PARD3B: variants seen among roughly 807,000 people sequenced by gnomAD.
PARD3B encodes partitioning defective 3 homolog B.
PARD3B carries 103 observed loss-of-function variants against 130.2 expected under a neutral mutation model. That is an observed-to-expected ratio of 0.79 (90% confidence interval 0.67 to 0.93). The LOEUF (loss-of-function observed/expected upper bound fraction) is 0.93. PARD3B is among the 40% of genes least tolerant of loss of function. PARD3B has a pLI of 0.00. For synonymous variants in PARD3B, 583 were observed against 553.2 expected (o/e 1.05, Z -0.76); for missense variants, 1,609 against 1,499.2 (o/e 1.07, Z -1.21).
At chr2:205,318,216 T>G (rs565891536) in intron 18 of PARD3B, among the ~76,000 whole-genome samples, 11 of 152,160 alleles carry the variant, frequency 7.2e-5, no homozygotes, top group Non-Finnish European at 1.5e-4. Context: ...TAGTAAAAAA[T>G]CAATATCATA....
At chr2:205,129,146 G>A (rs1228950510) in intron 10 of PARD3B, among the ~76,000 whole-genome samples, 1 of 152,210 alleles carries the variant, frequency 6.6e-6, no homozygotes, top group African/African-American at 2.4e-5. Context: ...ATAGTTGACA[G>A]TCAACCATCC....
intron 20 of PARD3B, among the ~76,000 whole-genome samples, chr2:205,467,358 A>G (rs1199595672): frequency 1.3e-5 from 2 of 152,356 alleles, no homozygotes; most frequent in Non-Finnish European, 2.9e-5. Context: ...TGTAGGAAAC[A>G]TTCAAAATCT....
At chr2:204,991,491 C>G (rs1211476438) in intron 3 of PARD3B, among the ~76,000 whole-genome samples, 39 of 141,126 alleles carry the variant, frequency 2.8e-4, no homozygotes, top group East Asian at 6.2e-4. Context: ...GGACATTTGG[C>G]TTGGTTCCAA....
intron 4 of PARD3B, among the ~76,000 whole-genome samples, chr2:205,071,113 T>C (rs1019766865): frequency 6.6e-6 from 1 of 152,204 alleles, no homozygotes; most frequent in African/African-American, 2.4e-5. Context: ...TTCTTATCAC[T>C]GTGGACTCAG....
At chr2:204,985,694 TTGA>T (rs1483603632) in intron 3 of PARD3B, among the ~76,000 whole-genome samples, 3 of 152,096 alleles carry the variant, frequency 2.0e-5, no homozygotes, top group African/African-American at 4.8e-5. Context: ...GTGGAGACAA[TTGA>T]TGAAGCCCCG....
intron 15 of PARD3B, among the ~76,000 whole-genome samples, chr2:205,232,832 G>T (rs980205019): frequency 3.4e-4 from 52 of 152,134 alleles, no homozygotes; most frequent in Non-Finnish European, 4.3e-4. Context: ...AATACACACA[G>T]TAGAAATATA....
intron 3 of PARD3B, among the ~76,000 whole-genome samples, chr2:204,997,830 G>C (rs950803275): frequency 1.3e-5 from 2 of 149,878 alleles, no homozygotes; most frequent in African/African-American, 4.9e-5. Context: ...TACATTTATA[G>C]ATATATAATT....
At chr2:205,583,352 T>G (rs1040005768) in intron 22 of PARD3B, among the ~76,000 whole-genome samples, 16 of 150,908 alleles carry the variant, frequency 1.1e-4, no homozygotes, top group African/African-American at 3.9e-4. Context: ...TGCAAAGAAA[T>G]TAGTCATCTC....
intron 3 of PARD3B, among the ~76,000 whole-genome samples, chr2:205,034,330 T>C (rs970031799): frequency 6.6e-6 from 1 of 152,164 alleles, no homozygotes; most frequent in Non-Finnish European, 1.5e-5. Context: ...CTCCCAGATA[T>C]CACTTTCTCT....
chr2:205,313,595 CAT>C (rs1423137324), intron 18 of PARD3B, among the ~76,000 whole-genome samples: 5 of 152,154 alleles, frequency 3.3e-5, no homozygotes, highest in Non-Finnish European at 1.5e-5. Context: ...AAAATGACCA[CAT>C]AGAGTGTCAA....
intron 18 of PARD3B, among the ~76,000 whole-genome samples, chr2:205,380,771 A>ATATACTATATATAAAGAATATATATT (rs1450114119): frequency 2.0e-5 from 2 of 101,270 alleles, no homozygotes; most frequent in African/African-American, 8.9e-5. Context: ...GAATATATAT[A>ATATACTATATATAAAGAATATATATT]ATATATAAAG....
intron 3 of PARD3B, among the ~76,000 whole-genome samples, chr2:205,036,420 TA>T (rs1313239144): frequency 1.4e-5 from 2 of 147,298 alleles, no homozygotes; most frequent in African/African-American, 4.9e-5. Context: ...AGACTATATA[TA>T]AAAATATATG....
Position 205,033,240 on chromosome 2 carries a change from T to A in PARD3B, c.395-14341T>A, listed in dbSNP as rs959114508. The stretch of plus-strand genomic sequence containing the variant: ...TGGATATATATTAAGATTCACTTCA[T>A]GGTATTTATAAGGGAATTACTAAAG... On this transcript the variant is annotated intron_variant, in intron 3 of 22. Coordinates refer to ENST00000406610, the MANE Select transcript of PARD3B (RefSeq NM_001302769.2). Among the ~76,000 whole-genome samples the A allele has an allele frequency of 2.0e-5, 3 of 152,180 alleles. No individual in the cohort carries two copies. In the East Asian group the frequency reaches 5.8e-4, roughly 29 times the overall value.
At chr2:204,850,061 G>A (rs1376641569) in intron 2 of PARD3B, among the ~76,000 whole-genome samples, 3 of 152,176 alleles carry the variant, frequency 2.0e-5, no homozygotes, top group African/African-American at 7.2e-5. Context: ...GCTGGCACAT[G>A]TTAATCCAGG....
chr2:205,342,502 A>T (rs1330795759), intron 18 of PARD3B, among the ~76,000 whole-genome samples: 1 of 152,186 alleles, frequency 6.6e-6, no homozygotes, highest in Non-Finnish European at 1.5e-5. Context: ...AAAACTCTTC[A>T]TGTGTTATAG....
chr2:204,733,861 G>T (rs1294791534), intron 2 of PARD3B, among the ~76,000 whole-genome samples: 1 of 152,092 alleles, frequency 6.6e-6, no homozygotes, highest in Non-Finnish European at 1.5e-5. Flanking sequence ...ACTTGAAATG[G>T]ATCATAGAAC....
At chr2:204,745,166 G>A (rs1390213318) in intron 2 of PARD3B, among the ~76,000 whole-genome samples, 2 of 152,146 alleles carry the variant, frequency 1.3e-5, no homozygotes, top group Non-Finnish European at 1.5e-5. Flanking sequence ...TGATGTTGGA[G>A]GAAATCCTGT....
intron 1 of PARD3B, among the ~76,000 whole-genome samples, chr2:204,655,744 A>G (rs2035617170): frequency 6.6e-6 from 1 of 152,064 alleles, no homozygotes; most frequent in Admixed American, 6.6e-5. Context: ...AGGTCAGCAT[A>G]TATATCTGAA....
Position 205,141,262 on chromosome 2 carries a change from A to G in PARD3B, c.1434+15525A>G, listed in dbSNP as rs75426635. 2.8e-3 allele frequency among the ~76,000 whole-genome samples: 431 copies of G among 151,926 alleles called. 6 individuals are homozygous for G. The East Asian group carries it at 0.032, about 11-fold the overall frequency. The stretch of plus-strand genomic sequence containing the variant: ...GTGCTTGCTTACAAACTGCTTCCCA[A>G]TTCCGTTATTTAAGAAGAAAAAATA... On this transcript the variant is annotated intron_variant, in intron 10 of 22. Coordinates refer to ENST00000406610, the MANE Select transcript of PARD3B (RefSeq NM_001302769.2).
Sources: allele counts gnomAD v4.1 joint callset (sites outside exome capture counted in the v4.1 genomes callset), GRCh38; gene constraint gnomAD v4.1.1; transcripts MANE v1.5; gene names NCBI Gene and HGNC (gene_info 2026-07-23, HGNC 2026-07-21).